The following GRIP1 variants were observed in gnomAD, a reference collection of about 807,000 sequenced individuals.
GRIP1 encodes glutamate receptor interacting protein 1.
Under a neutral mutation model 129.9 loss-of-function variants are expected in GRIP1, and 45 were observed. The ratio of observed to expected loss-of-function variants is 0.35; its 90% CI spans 0.27 to 0.44. GRIP1 has a LOEUF of 0.44. Ranked by LOEUF, GRIP1 falls within the 20% of genes least tolerant of loss-of-function variation. The probability of loss-of-function intolerance (pLI) is 1.00; values close to 1 mark genes in which losing one functional copy is unlikely to be tolerated. For missense variants in GRIP1, 1,196 were observed against 1,396.8 expected, an observed-to-expected ratio of 0.86 and a Z score of 2.29; for synonymous variants, 530 against 520.8, an observed-to-expected ratio of 1.02 and a Z score of -0.24.
intron 2 of GRIP1, among the ~76,000 whole-genome samples, chr12:66,567,413 T>C (rs972594946): frequency 2.6e-5 from 4 of 152,100 alleles, no homozygotes; most frequent in Non-Finnish European, 5.9e-5. Flanking sequence ...GACCACATAG[T>C]TGGAAGTAAA....
chr12:66,358,926 T>A (rs1047078506), intron 23 of GRIP1, among the ~76,000 whole-genome samples: 6 of 152,140 alleles, frequency 3.9e-5, no homozygotes, highest in Non-Finnish European at 7.4e-5. Flanking sequence ...CTGCCCGAGG[T>A]TCCTGCTTAT....
chr12:66,392,799 A>G lies in GRIP1; in HGVS notation c.2147T>C (p.Ile716Thr). ...GLAERTGAIHIGDRILAINSS... is the reference protein window; with the variant it reads ...GLAERTGAIHTGDRILAINSS... ...ATTGATGGCTAGGATTCGGTCTCCTATGTGGATTGCGCCAGTTCTGAAAAG... is the reference window on the plus strand; with the variant it reads ...ATTGATGGCTAGGATTCGGTCTCCTGTGTGGATTGCGCCAGTTCTGAAAAG... Residue 716 changes from isoleucine (I) to threonine (T), a missense_variant, in exon 18 of 25, where the codon ATA becomes ACA. Coordinates refer to ENST00000359742, the MANE Select transcript of GRIP1 (RefSeq NM_001366722.1). 5.0e-6 allele frequency: 8 copies of G among 1,614,106 alleles called. No individual in the cohort carries two copies. The highest frequency in any genetic ancestry group is 6.8e-6 in the Non-Finnish European group (8 of 1,179,994).
At chr12:66,752,021 G>A (rs943024430) in intron 1 of GRIP1, among the ~76,000 whole-genome samples, 2 of 152,112 alleles carry the variant, frequency 1.3e-5, no homozygotes, top group Non-Finnish European at 2.9e-5. Flanking sequence ...CAGGAATGGA[G>A]AGAGAGAATA....
At chr12:66,547,669 C>A (rs61926060) in intron 2 of GRIP1, among the ~76,000 whole-genome samples, 14,039 of 152,238 alleles carry the variant, frequency 0.092, 807 homozygotes, top group Non-Finnish European at 0.13. Flanking sequence ...AAAAAGTCAA[C>A]CCCAAAGATT....
chr12:66,425,620 C>T (rs1171434299), intron 14 of GRIP1, among the ~76,000 whole-genome samples: 4 of 152,160 alleles, frequency 2.6e-5, no homozygotes, highest in African/African-American at 7.2e-5. Context: ...GGCACATATA[C>T]ACCATGGAAT....
chr12:66,460,288 C>T lies in GRIP1; in HGVS notation c.1042+2636G>A, dbSNP rs560567256. ...TGGTTCTTGTATCATTCCATGGTGA[C>T]GTCACTACTGCAGTCTCAAGAGATA... On this transcript the variant is annotated intron_variant, in intron 9 of 24. Coordinates refer to ENST00000359742, the MANE Select transcript of GRIP1 (RefSeq NM_001366722.1). Among the ~76,000 whole-genome samples the T allele has an allele frequency of 1.3e-3, 205 of 152,306 alleles. No homozygotes were observed. The Middle Eastern group carries it at 0.014, about 10-fold the overall frequency.
In GRIP1 at chr12:67,054,530, G is replaced by A. The variant is rs769543188; in HGVS notation, c.58+14520C>T. Among the ~76,000 whole-genome samples, 8 of 152,244 alleles carry A rather than the reference G, an allele frequency of 5.3e-5. No individual in the cohort carries two copies. The South Asian group carries it at 6.2e-4, about 12-fold the overall frequency. On this transcript the variant is annotated intron_variant, in intron 1 of 1. Transcript: ENST00000643019. Reference sequence around the variant, plus strand: ...TGTAATCCCAGCATTTTGGGAGGCCGAAGTGGGCAGATCATCTCAGGCCAG... The same window carrying A: ...TGTAATCCCAGCATTTTGGGAGGCCAAAGTGGGCAGATCATCTCAGGCCAG...
chr12:66,595,389 C>T (rs907851890), intron 2 of GRIP1, among the ~76,000 whole-genome samples: 2 of 152,094 alleles, frequency 1.3e-5, no homozygotes, highest in East Asian at 1.9e-4. Flanking sequence ...CATTAGAGAA[C>T]CCATGAAAAG....
At chr12:66,930,008 A>G (rs377607211) in intron 1 of GRIP1, among the ~76,000 whole-genome samples, 2 of 145,846 alleles carry the variant, frequency 1.4e-5, no homozygotes, top group African/African-American at 5.0e-5. Flanking sequence ...TTCCCTTGCC[A>G]TCTTTTGCTC....
intron 1 of GRIP1, among the ~76,000 whole-genome samples, chr12:66,973,093 C>T (rs1419916828): frequency 6.6e-6 from 1 of 152,190 alleles, no homozygotes; most frequent in African/African-American, 2.4e-5. Flanking sequence ...TGTGTATTTT[C>T]ACACAAGAGT....
intron 7 of GRIP1, among the ~76,000 whole-genome samples, chr12:66,487,256 A>G (rs935292300): frequency 3.3e-5 from 5 of 152,176 alleles, no homozygotes; most frequent in African/African-American, 1.2e-4. Context: ...CTACAAAGAA[A>G]CGCCCATCAG....
chr12:66,667,934 C>T (rs1284982155), intron 1 of GRIP1, among the ~76,000 whole-genome samples: 1 of 152,164 alleles, frequency 6.6e-6, no homozygotes, highest in African/African-American at 2.4e-5. Flanking sequence ...GGTGGCTCCT[C>T]CCTCTACTTT....
chr12:67,033,723 T>C (rs1320736580), intron 1 of GRIP1, among the ~76,000 whole-genome samples: 1 of 152,200 alleles, frequency 6.6e-6, no homozygotes, highest in Non-Finnish European at 1.5e-5. Flanking sequence ...TGTGCAACTT[T>C]CAAAGAGTAA....
At chr12:66,604,465 C>A (rs2064418975) in intron 1 of GRIP1, among the ~76,000 whole-genome samples, 1 of 152,194 alleles carries the variant, frequency 6.6e-6, no homozygotes, top group South Asian at 2.1e-4. Flanking sequence ...ACCGAAGAAT[C>A]AAAATTTGTC....
At chr12:66,838,907 G>A (rs78321514) in intron 1 of GRIP1, among the ~76,000 whole-genome samples, 2,783 of 152,210 alleles carry the variant, frequency 0.018, 87 homozygotes, top group African/African-American at 0.062. Context: ...TAAACTTAGC[G>A]CTGAAAAAGA....
rs151179152 is a variant in GRIP1, at chr12:66,387,831, T to C, written c.2464+4477A>G. Among the ~76,000 whole-genome samples the C allele has an allele frequency of 1.7e-3, 256 of 152,264 alleles. 1 individual carries two copies. The highest frequency in any genetic ancestry group is 6.0e-3 in the African/African-American group (248 of 41,554). On this transcript the variant is annotated intron_variant, in intron 19 of 24. Transcript: ENST00000359742. ...TGCTAATGAGTAGAGGAGGATACCA[T>C]TGGGTTTCTACTCTGTGCTATCCTC... is the stretch of plus-strand genomic sequence containing the variant.
At chr12:66,534,492 C>T (rs2061551154) in intron 4 of GRIP1, among the ~76,000 whole-genome samples, 1 of 152,150 alleles carries the variant, frequency 6.6e-6, no homozygotes, top group Admixed American at 6.5e-5. Flanking sequence ...TTAAGGGCTC[C>T]TCACGGCCCA....
In GRIP1 at chr12:66,652,116, C is replaced by T. The variant is rs929657262; in HGVS notation, c.55+26734G>A. Among the ~76,000 whole-genome samples, 5 of 152,194 alleles carry T rather than the reference C, an allele frequency of 3.3e-5. No homozygotes were observed. In the East Asian group the frequency reaches 9.6e-4, roughly 29 times the overall value. Reference sequence around the variant, plus strand: ...AACAAATTCTTATTTCACTACATCTCTAGGCAAAGTCCTATAGTAGCAGCT... The same window carrying T: ...AACAAATTCTTATTTCACTACATCTTTAGGCAAAGTCCTATAGTAGCAGCT... On this transcript the variant is annotated intron_variant, in intron 1 of 24. Transcript: ENST00000359742.
At chr12:66,984,067 C>G (rs148927595) in intron 1 of GRIP1, among the ~76,000 whole-genome samples, 1 of 152,040 alleles carries the variant, frequency 6.6e-6, no homozygotes. Flanking sequence ...AGAACAAACC[C>G]GGGAGAAGCA....
Sources: gnomAD v4.1 joint callset for allele counts (sites outside exome capture counted in the v4.1 genomes callset) on GRCh38, gnomAD v4.1.1 for gene constraint, MANE v1.5 for transcripts, NCBI Gene and HGNC (gene_info 2026-07-23, HGNC 2026-07-21) for gene names.